Variants in ADD3 observed in about 807,000 individuals in gnomAD.
ADD3 encodes the protein adducin 3.
ADD3 carries 25 observed loss-of-function variants against 80.2 expected under a neutral mutation model. The observed-to-expected ratio is 0.31, with a 90% confidence interval of 0.23 to 0.44. The LOEUF (loss-of-function observed/expected upper bound fraction) is 0.44. Ranked by LOEUF, ADD3 falls within the 20% of genes least tolerant of loss-of-function variation. The probability of loss-of-function intolerance (pLI) is 1.00; values close to 1 mark genes in which losing one functional copy is unlikely to be tolerated. For synonymous variants in ADD3, 284 were observed against 289.6 expected, an observed-to-expected ratio of 0.98 and a Z score of 0.20; for missense variants, 829 against 847.5, an observed-to-expected ratio of 0.98 and a Z score of 0.27.
chr10:110,033,676 A>G (rs909118995), intron 1 of ADD3, among the ~76,000 whole-genome samples: 3 of 152,230 alleles, frequency 2.0e-5, no homozygotes, highest in East Asian at 1.9e-4. Flanking sequence ...CATAAGTGCT[A>G]TATTAAAATG....
intron 3 of ADD3, among the ~76,000 whole-genome samples, chr10:110,113,250 T>C (rs1190626296): frequency 2.6e-5 from 4 of 151,850 alleles, no homozygotes; most frequent in Non-Finnish European, 5.9e-5. Flanking sequence ...CTTGTCTCTA[T>C]TTTTGTTTTT....
intron 12 of ADD3, among the ~76,000 whole-genome samples, chr10:110,128,162 C>G (rs979841109): frequency 3.4e-5 from 5 of 148,860 alleles, no homozygotes; most frequent in African/African-American, 1.2e-4. Context: ...TAATTAGTAA[C>G]CCTTTTCAAT....
chr10:110,126,686 C>G (rs903349533), intron 12 of ADD3, among the ~76,000 whole-genome samples, 183 bp downstream of exon 12: 1 of 152,162 alleles, frequency 6.6e-6, no homozygotes, highest in South Asian at 2.1e-4. Flanking sequence ...CTGTTCTTTT[C>G]ATTGCTTCTA....
At position 110,112,750 on chromosome 10, in the gene ADD3, C is replaced by T. The variant is rs759920339; in HGVS notation, c.196-27C>T. On this transcript the variant is annotated intron_variant, in intron 2 of 14. Coordinates refer to ENST00000356080, the MANE Select transcript of ADD3 (RefSeq NM_016824.5). ...CTTTTGGGCCATTCAGTCTTGCTTGCTCAGTCTTTATTTTTGTGTATTACA... is the reference window on the plus strand; with the variant it reads ...CTTTTGGGCCATTCAGTCTTGCTTGTTCAGTCTTTATTTTTGTGTATTACA... The T allele has an allele frequency of 2.5e-6, 4 of 1,601,504 alleles. No homozygotes were observed. The East Asian group carries it at 8.9e-5, about 36-fold the overall frequency.
At chr10:110,111,878 A>G (rs777967405) in intron 2 of ADD3, among the ~76,000 whole-genome samples, 2 of 151,466 alleles carry the variant, frequency 1.3e-5, no homozygotes, top group Non-Finnish European at 2.9e-5. Flanking sequence ...GCGCCGTTGC[A>G]CTCTAGCCTG....
At chr10:110,099,002 C>G (rs1848494931) in intron 1 of ADD3, among the ~76,000 whole-genome samples, 1 of 151,940 alleles carries the variant, frequency 6.6e-6, no homozygotes, top group Non-Finnish European at 1.5e-5. Context: ...TCACTGCAGC[C>G]TCAACCTCCT....
chr10:110,013,141 C>T (rs1180232860), intron 1 of ADD3, among the ~76,000 whole-genome samples: 1 of 152,072 alleles, frequency 6.6e-6, no homozygotes, highest in African/African-American at 2.4e-5. Context: ...CTCTCTCTGT[C>T]ATCCAGGCAG....
chr10:110,085,580 A>G (rs1846624499), intron 1 of ADD3, among the ~76,000 whole-genome samples: 2 of 152,184 alleles, frequency 1.3e-5, no homozygotes, highest in South Asian at 4.1e-4. Context: ...AATCAGTACC[A>G]GGGAGATCTG....
At chr10:109,998,981 A>G (rs1286467174) in intron 1 of ADD3, among the ~76,000 whole-genome samples, 2 of 151,988 alleles carry the variant, frequency 1.3e-5, no homozygotes, top group African/African-American at 4.8e-5. Context: ...GAGTACAGGG[A>G]TTTTTGTTCA....
intron 1 of ADD3, among the ~76,000 whole-genome samples, chr10:110,015,574 C>T (rs1379680183): frequency 6.6e-6 from 1 of 151,984 alleles, no homozygotes; most frequent in African/African-American, 2.4e-5. Flanking sequence ...CAGGGTTTTA[C>T]CATGTTAGCC....
chr10:110,071,587 A>G (rs1844726551), intron 1 of ADD3, among the ~76,000 whole-genome samples: 1 of 152,150 alleles, frequency 6.6e-6, no homozygotes, highest in Admixed American at 6.5e-5. Flanking sequence ...AATGGCACAA[A>G]TAGATTTATT....
chr10:110,036,082 C>G (rs551958178), intron 1 of ADD3, among the ~76,000 whole-genome samples: 2 of 151,892 alleles, frequency 1.3e-5, no homozygotes, highest in African/African-American at 2.4e-5. Flanking sequence ...ACTCGGGAGG[C>G]GGGGGTTACA....
At chr10:110,087,047 G>T (rs1292055556) in intron 1 of ADD3, among the ~76,000 whole-genome samples, 2 of 151,468 alleles carry the variant, frequency 1.3e-5, no homozygotes, top group Non-Finnish European at 2.9e-5. Flanking sequence ...ATTTTTTTGA[G>T]ACTGAGTCTG....
chr10:110,072,008 A>G lies in ADD3; in HGVS notation c.-29-28617A>G, dbSNP rs1844779002. On this transcript the variant is annotated intron_variant, in intron 1 of 14. Transcript: ENST00000356080. ...GGATTACCTGTTTTAACAAATAACC[A>G]TCTATCACATATTAAATAGGCAAGG... is the stretch of plus-strand genomic sequence containing the variant. 2.6e-5 allele frequency among the ~76,000 whole-genome samples: 4 copies of G among 152,240 alleles called. No individual in the cohort carries two copies. In the South Asian group the frequency reaches 8.3e-4, roughly 31 times the overall value.
chr10:110,065,539 C>CCTTTTTTTTTTT (rs1843806502), intron 1 of ADD3, among the ~76,000 whole-genome samples: 6 of 31,186 alleles, frequency 1.9e-4, no homozygotes, highest in South Asian at 1.2e-3. Context: ...TCTCTCTCCC[C>CCTTTTTTTTTTT]TTTTTTTTTT....
rs1850867999 is a variant in ADD3 at position 110,117,355 on chromosome 10, A to G, written c.500A>G (p.Lys167Arg). 6.3e-7 allele frequency: 1 copy of G among 1,595,164 alleles called. No individual in the cohort carries two copies. The highest frequency in any genetic ancestry group is 8.6e-7 in the Non-Finnish European group (1 of 1,164,612). The part of the protein sequence containing the change: ...ANTYISVRIS[K>R]EQDHIIIIPR... ...TTTTTTTTCCAGGTAAGAATAAGTA[A>G]GGAGCAAGACCACATTATAATAATT... Residue 167 changes from lysine to arginine, a missense_variant, in exon 5 of 15, where the codon AAG (lysine) becomes AGG (arginine). Physicochemically the swap from Lys to Arg is conservative, Grantham distance 26. Transcript: ENST00000356080.
upstream of ADD3, among the ~76,000 whole-genome samples, chr10:110,004,526 G>A (rs572698304): frequency 1.6e-4 from 25 of 151,700 alleles, no homozygotes; most frequent in South Asian, 5.2e-3. Flanking sequence ...GGCCAGGATG[G>A]TCTTGATCTC....
At position 110,130,241 on chromosome 10, in the gene ADD3, T is replaced by C; in HGVS notation, c.1609-122T>C. The C allele has an allele frequency of 3.0e-6, 3 of 986,868 alleles. No individual in the cohort carries two copies. In the South Asian group the frequency reaches 4.8e-5, roughly 16 times the overall value. 61.1% of individuals were successfully genotyped at this position (986,868 alleles called of 1,614,324 possible). ...GCATGTTACCTTGCATTTCTTAGGA[T>C]TGTTGTGAAATAAGGCTTCACAAAC... On this transcript the variant is annotated intron_variant, in intron 12 of 14. Transcript: ENST00000356080.
At chr10:110,021,656 G>C (rs1853694357) in intron 1 of ADD3, among the ~76,000 whole-genome samples, 1 of 152,150 alleles carries the variant, frequency 6.6e-6, no homozygotes, top group Non-Finnish European at 1.5e-5. Context: ...GTCTAGAATA[G>C]ACATTTATAG....
Sources: allele counts gnomAD v4.1 joint callset (sites outside exome capture counted in the v4.1 genomes callset), GRCh38; gene constraint gnomAD v4.1.1; transcripts MANE v1.5; gene names NCBI Gene and HGNC (gene_info 2026-07-23, HGNC 2026-07-21).